The following ADGRB3 variants were observed in gnomAD, a reference collection of about 807,000 sequenced individuals.
The protein encoded by ADGRB3 is adhesion G protein-coupled receptor B3.
In ADGRB3, 37 loss-of-function variants were observed where a neutral mutation model predicts 193.4. That is an observed-to-expected ratio of 0.19 (90% CI 0.15 to 0.25). ADGRB3 has a LOEUF of 0.25. ADGRB3 is among the 10% of genes least tolerant of loss of function. The probability of loss-of-function intolerance (pLI) is 1.00; values close to 1 mark genes in which losing one functional copy is unlikely to be tolerated. For synonymous variants in ADGRB3, 690 were observed against 644.2 expected (o/e 1.07, Z -1.08); for missense variants, 1,637 against 1,852.9 (o/e 0.88, Z 2.14).
intron 10 of ADGRB3, among the ~76,000 whole-genome samples, chr6:68,981,845 GTTATTTATTTATTTATTTATTTAT>G (rs3043275): frequency 6.4e-5 from 9 of 139,726 alleles, no homozygotes; most frequent in South Asian, 2.3e-4. Flanking sequence ...TACCTATTTT[GTTATTTATTTATTTATTTATTTAT>G]TTATTTATTT....
chr6:68,938,440 GTATATA>G (rs59120080), intron 5 of ADGRB3, among the ~76,000 whole-genome samples: 3,192 of 144,652 alleles, frequency 0.022, 65 homozygotes, highest in African/African-American at 0.046. Context: ...ATATTTTGAG[GTATATA>G]TATATATATA....
At chr6:68,759,017 G>T (rs1455299433) in intron 3 of ADGRB3, among the ~76,000 whole-genome samples, 3 of 152,100 alleles carry the variant, frequency 2.0e-5, no homozygotes, top group Non-Finnish European at 2.9e-5. Context: ...ATACGAAATG[G>T]TAGGCCATGA....
At position 69,339,374 on chromosome 6, in the gene ADGRB3, C is replaced by T; in HGVS notation, c.3329C>T (p.Ala1110Val). The T allele has an allele frequency of 6.2e-7, 1 of 1,613,972 alleles. No individual in the cohort carries two copies. The highest frequency in any genetic ancestry group is 8.5e-7 in the Non-Finnish European group (1 of 1,179,912). Residue 1110 changes from alanine to valine, a missense_variant, in exon 26 of 32, where the codon GCT becomes GTT. Physicochemically the swap from Ala to Val is moderately conservative, Grantham distance 64. Transcript: ENST00000370598. The part of the protein sequence containing the change: ...WSSCVVLPLL[A>V]LTWMSAVLAM... ...TCCTGTGTGGTGTTGCCCCTTCTGG[C>T]TTTGACGTGGATGTCTGCGGTTCTG...
At chr6:69,125,830 G>A (rs540389031) in intron 17 of ADGRB3, among the ~76,000 whole-genome samples, 11 of 152,134 alleles carry the variant, frequency 7.2e-5, no homozygotes, top group Non-Finnish European at 1.5e-4. Context: ...AAGGCAATTT[G>A]TTCTGTTCTG....
rs116509295 is a variant in ADGRB3 at position 68,839,293 on chromosome 6, T to C, written c.758-91266T>C. On this transcript the variant is annotated intron_variant, in intron 3 of 31. Transcript: ENST00000370598. ...TAAAGTTGTGTTCCTCTGCCATTCC[T>C]CTGCTCCAGTGTTGTAATATATTTT... 2.6e-3 allele frequency among the ~76,000 whole-genome samples: 393 copies of C among 152,348 alleles called. 3 individuals carry two copies. The highest frequency in any genetic ancestry group is 9.2e-3 in the African/African-American group (384 of 41,580).
chr6:69,388,990 A>T lies in ADGRB3; in HGVS notation c.*99A>T. ...TCTATCTGGACAGTGTGACTATCTT[A>T]TGTCAGGACCTTCATGTGCCAAACG... On this transcript the variant is annotated 3_prime_UTR_variant, in exon 32 of 32. Coordinates refer to ENST00000370598, the MANE Select transcript of ADGRB3 (RefSeq NM_001704.3). 1 of 1,228,908 alleles carries T rather than the reference A, an allele frequency of 8.1e-7. No homozygotes were observed. Among genetic ancestry groups the T allele is most frequent in the Non-Finnish European group, 1.1e-6 (1 of 896,052 alleles). 76.1% of individuals were successfully genotyped at this position (1,228,908 alleles called of 1,614,324 possible).
At chr6:69,015,729 C>A (rs1284688503) in intron 12 of ADGRB3, among the ~76,000 whole-genome samples, 2 of 151,670 alleles carry the variant, frequency 1.3e-5, no homozygotes, top group Admixed American at 1.3e-4. Flanking sequence ...TTTTTGCAAA[C>A]AAAATTTACT....
intron 10 of ADGRB3, among the ~76,000 whole-genome samples, chr6:68,976,597 C>T (rs1331395433): frequency 6.6e-6 from 1 of 151,982 alleles, no homozygotes; most frequent in Non-Finnish European, 1.5e-5. Context: ...CCATATGTTA[C>T]ATATATTTTG....
At chr6:69,013,600 G>T (rs1294847772) in intron 11 of ADGRB3, among the ~76,000 whole-genome samples, 2 of 152,054 alleles carry the variant, frequency 1.3e-5, no homozygotes, top group Non-Finnish European at 2.9e-5. Context: ...CCTCCACTTT[G>T]CCTATAGTCT....
At chr6:69,133,863 A>G (rs1774079611) in intron 17 of ADGRB3, among the ~76,000 whole-genome samples, 1 of 151,940 alleles carries the variant, frequency 6.6e-6, no homozygotes, top group South Asian at 2.1e-4. Flanking sequence ...CAAGTCTCCA[A>G]AGTCCACCAT....
intron 3 of ADGRB3, among the ~76,000 whole-genome samples, chr6:68,833,812 T>C (rs1767998946): frequency 6.6e-6 from 1 of 151,812 alleles, no homozygotes; most frequent in Non-Finnish European, 1.5e-5. Flanking sequence ...AATGATTACA[T>C]CCAAAAATAA....
chr6:69,113,842 T>G (rs1358842986), intron 17 of ADGRB3, among the ~76,000 whole-genome samples: 1 of 152,168 alleles, frequency 6.6e-6, no homozygotes, highest in African/African-American at 2.4e-5. Context: ...TTACTTTAAG[T>G]CTGATTTAGA....
intron 5 of ADGRB3, among the ~76,000 whole-genome samples, chr6:68,942,032 T>C (rs1767657319): frequency 6.6e-6 from 1 of 151,662 alleles, no homozygotes; most frequent in South Asian, 2.1e-4. Context: ...TTTTCCTACA[T>C]ATTATTTTAA....
intron 11 of ADGRB3, among the ~76,000 whole-genome samples, chr6:69,007,983 C>T (rs909569098): frequency 3.3e-5 from 5 of 152,010 alleles, no homozygotes; most frequent in Non-Finnish European, 5.9e-5. Flanking sequence ...AGGAACCCTG[C>T]GTCCTAACAT....
intron 30 of ADGRB3, among the ~76,000 whole-genome samples, 171 bp from the exon 31 acceptor site, chr6:69,382,660 A>G: frequency 6.6e-6 from 1 of 151,938 alleles, no homozygotes; most frequent in Non-Finnish European, 1.5e-5. Context: ...AGAAGTGCTG[A>G]ATATGAGACA....
chr6:69,383,470 A>C (rs964755146), intron 31 of ADGRB3, among the ~76,000 whole-genome samples: 2 of 151,986 alleles, frequency 1.3e-5, no homozygotes, highest in African/African-American at 4.8e-5. Context: ...TTATAATCTT[A>C]GTACAGGACT....
intron 27 of ADGRB3, among the ~76,000 whole-genome samples, 159 bp from the exon 28 acceptor site, chr6:69,355,662 A>G (rs1769322543): frequency 6.6e-6 from 1 of 152,194 alleles, no homozygotes. Flanking sequence ...AACACTGTTG[A>G]AAACAATCTA....
intron 17 of ADGRB3, among the ~76,000 whole-genome samples, chr6:69,105,054 A>G (rs1019607197): frequency 6.6e-6 from 1 of 152,240 alleles, no homozygotes; most frequent in Non-Finnish European, 1.5e-5. Context: ...GTTACTCAAT[A>G]CTAATGGTAG....
At chr6:68,920,253 C>T (rs1582315530) in intron 3 of ADGRB3, among the ~76,000 whole-genome samples, 1 of 152,132 alleles carries the variant, frequency 6.6e-6, no homozygotes, top group African/African-American at 2.4e-5. Flanking sequence ...TGCGGTGGCT[C>T]ACGCCTGTAA....
Sources: gnomAD v4.1 joint callset for allele counts (sites outside exome capture counted in the v4.1 genomes callset) on GRCh38, gnomAD v4.1.1 for gene constraint, MANE v1.5 for transcripts, NCBI Gene and HGNC (gene_info 2026-07-23, HGNC 2026-07-21) for gene names.